SLC39A11: variants seen among roughly 807,000 people sequenced by gnomAD.
SLC39A11 encodes the protein zinc transporter ZIP11.
Under a neutral mutation model 36.1 loss-of-function variants are expected in SLC39A11, and 33 were observed. The observed-to-expected ratio is 0.91, with a 90% CI of 0.69 to 1.22. SLC39A11 has a LOEUF of 1.22. Ranked by LOEUF, SLC39A11 falls within the 50% of genes most tolerant of loss-of-function variation. The probability of loss-of-function intolerance (pLI) is 0.00; values close to 1 mark genes in which losing one functional copy is unlikely to be tolerated. For synonymous variants in SLC39A11, 166 were observed against 170.3 expected, an observed-to-expected ratio of 0.97 and a Z score of 0.20; for missense variants, 432 against 430.3, an observed-to-expected ratio of 1.00 and a Z score of -0.03.
chr17:72,865,485 G>C (rs1225464768), intron 5 of SLC39A11, among the ~76,000 whole-genome samples: 1 of 150,046 alleles, frequency 6.7e-6, no homozygotes, highest in Non-Finnish European at 1.5e-5. Context: ...TTCTACATTG[G>C]CTAGAAAAAC....
intron 5 of SLC39A11, among the ~76,000 whole-genome samples, chr17:72,867,832 T>G (rs1463905007): frequency 2.0e-5 from 3 of 151,924 alleles, no homozygotes; most frequent in African/African-American, 7.3e-5. Context: ...CAGATGGTAT[T>G]AATAGTGTTA....
intron 5 of SLC39A11, among the ~76,000 whole-genome samples, chr17:72,926,570 T>A (rs1352257081): frequency 6.6e-6 from 1 of 152,148 alleles, no homozygotes; most frequent in Non-Finnish European, 1.5e-5. Flanking sequence ...CAGAAAAACA[T>A]AAGATTGCCT....
chr17:72,801,534 G>A (rs954277968), intron 6 of SLC39A11, among the ~76,000 whole-genome samples: 1 of 152,186 alleles, frequency 6.6e-6, no homozygotes, highest in Non-Finnish European at 1.5e-5. Flanking sequence ...GCCGGGCAAT[G>A]AAATATTCTT....
intron 3 of SLC39A11, among the ~76,000 whole-genome samples, chr17:73,066,079 T>C (rs1001294938): frequency 5.9e-5 from 9 of 152,228 alleles, no homozygotes; most frequent in African/African-American, 2.2e-4. Context: ...CATGATATTT[T>C]GTAAGCTCCG....
At chr17:72,956,778 G>C (rs954599377) in intron 4 of SLC39A11, among the ~76,000 whole-genome samples, 5 of 152,150 alleles carry the variant, frequency 3.3e-5, no homozygotes, top group African/African-American at 7.2e-5. Context: ...GAGGATATTA[G>C]ATGCCTTCAA....
chr17:72,855,288 T>C (rs980634069), intron 5 of SLC39A11, among the ~76,000 whole-genome samples: 1 of 152,204 alleles, frequency 6.6e-6, no homozygotes, highest in African/African-American at 2.4e-5. Flanking sequence ...ACACAGAATG[T>C]ATGTGGTCCC....
intron 3 of SLC39A11, among the ~76,000 whole-genome samples, chr17:73,080,851 A>G (rs544368185): frequency 7.0e-4 from 106 of 152,220 alleles, no homozygotes; most frequent in Non-Finnish European, 9.3e-4. Flanking sequence ...AGGCTGAGGC[A>G]GGAGAATCGC....
chr17:72,921,227 CT>C (rs1385949019), intron 5 of SLC39A11, among the ~76,000 whole-genome samples: 4 of 152,174 alleles, frequency 2.6e-5, no homozygotes, highest in Non-Finnish European at 1.5e-5. Flanking sequence ...TAGGACTATG[CT>C]TCACGAGAAC....
intron 5 of SLC39A11, among the ~76,000 whole-genome samples, chr17:72,892,029 A>C (rs558731824): frequency 2.3e-5 from 3 of 131,346 alleles, no homozygotes; most frequent in African/African-American, 5.6e-5. Context: ...AGGTAGAGAT[A>C]AGACTATTTT....
intron 6 of SLC39A11, among the ~76,000 whole-genome samples, chr17:72,817,696 A>T (rs181403380): frequency 6.6e-6 from 1 of 152,304 alleles, no homozygotes; most frequent in East Asian, 1.9e-4. Context: ...CTGTGTTAGC[A>T]TCTATTTCCC....
intron 5 of SLC39A11, among the ~76,000 whole-genome samples, chr17:72,946,334 C>T (rs1397273384): frequency 6.6e-6 from 1 of 152,158 alleles, no homozygotes; most frequent in African/African-American, 2.4e-5. Context: ...TTGTGGGCGG[C>T]AGTGAGGATT....
chr17:72,999,890 G>A lies in SLC39A11; in HGVS notation c.306+31666C>T, dbSNP rs140111990. Among the ~76,000 whole-genome samples the A allele has an allele frequency of 5.1e-3, 773 of 152,092 alleles. 4 individuals are homozygous for A. Among genetic ancestry groups the A allele is most frequent in the African/African-American group, 0.015 (631 of 41,484 alleles). ...CGAGTAGCTGGGATTACAGGCACGC[G>A]CCACCACACCTGGCTAAGTTTTGTA... On this transcript the variant is annotated intron_variant, in intron 4 of 9. Coordinates refer to ENST00000255559, the MANE Select transcript of SLC39A11 (RefSeq NM_139177.4).
At chr17:72,667,219 T>C (rs1324646310) in intron 7 of SLC39A11, among the ~76,000 whole-genome samples, 1 of 152,162 alleles carries the variant, frequency 6.6e-6, no homozygotes, top group Non-Finnish European at 1.5e-5. Context: ...CCCTGAAGTC[T>C]AGCCCTGGAC....
rs183421057 is a variant in SLC39A11, at chr17:72,824,160, T to G, written c.601+25474A>C. 3.6e-3 allele frequency among the ~76,000 whole-genome samples: 541 copies of G among 151,380 alleles called. 25 individuals carry two copies. The highest frequency in any genetic ancestry group is 0.033 in the Admixed American group (502 of 15,196). ...GAGGAGGGGCCCGGTGGGAGGTGAC[T>G]GGATCATAGGGTGGACTTCCCCCTT... On this transcript the variant is annotated intron_variant, in intron 6 of 9. Coordinates refer to ENST00000255559, the MANE Select transcript of SLC39A11 (RefSeq NM_139177.4).
At chr17:72,890,669 G>A (rs2081691777) in intron 5 of SLC39A11, among the ~76,000 whole-genome samples, 1 of 152,126 alleles carries the variant, frequency 6.6e-6, no homozygotes, top group South Asian at 2.1e-4. Flanking sequence ...AAGAGCAGGG[G>A]GATTTCATTC....
intron 4 of SLC39A11, among the ~76,000 whole-genome samples, chr17:73,003,516 G>T: frequency 6.6e-6 from 1 of 152,250 alleles, no homozygotes; most frequent in African/African-American, 2.4e-5. Context: ...CCCAGGCTAG[G>T]ATGAGACTGG....
At chr17:72,735,087 A>C (rs1193041734) in intron 7 of SLC39A11, among the ~76,000 whole-genome samples, 1 of 152,064 alleles carries the variant, frequency 6.6e-6, no homozygotes, top group Non-Finnish European at 1.5e-5. Flanking sequence ...CTACCATCTC[A>C]TGTGATTTTC....
At chr17:73,022,009 A>T (rs1232789408) in intron 4 of SLC39A11, among the ~76,000 whole-genome samples, 2 of 152,254 alleles carry the variant, frequency 1.3e-5, no homozygotes, top group Non-Finnish European at 2.9e-5. Context: ...TATCGACAAC[A>T]GAGGTGGGTT....
chr17:73,065,058 G>C (rs559721633), intron 3 of SLC39A11, among the ~76,000 whole-genome samples: 12 of 152,206 alleles, frequency 7.9e-5, no homozygotes, highest in Admixed American at 2.0e-4. Flanking sequence ...CCAGCAAAGG[G>C]GGAAAGAGAT....
Sources: allele counts gnomAD v4.1 joint callset (sites outside exome capture counted in the v4.1 genomes callset), GRCh38; gene constraint gnomAD v4.1.1; transcripts MANE v1.5; gene names NCBI Gene and HGNC (gene_info 2026-07-23, HGNC 2026-07-21).